The following KCNN2 variants were observed in gnomAD, a reference collection of about 807,000 sequenced individuals.
KCNN2 encodes small conductance calcium-activated potassium channel protein 2.
In KCNN2, 24 loss-of-function variants were observed where a neutral mutation model predicts 55.5. That is an observed-to-expected ratio of 0.43 (90% CI 0.31 to 0.61). The LOEUF (loss-of-function observed/expected upper bound fraction) is 0.61, where lower values mean the gene tolerates loss of function less well. Ranked by LOEUF, KCNN2 falls within the 20% of genes least tolerant of loss-of-function variation. KCNN2 has a pLI of 0.08. For synonymous variants in KCNN2, 431 were observed against 336.1 expected, an observed-to-expected ratio of 1.28 and a Z score of -3.09; for missense variants, 754 against 853.6, an observed-to-expected ratio of 0.88 and a Z score of 1.45.
chr5:114,289,982 A>G (rs1755848085), intron 2 of KCNN2, among the ~76,000 whole-genome samples: 1 of 152,184 alleles, frequency 6.6e-6, no homozygotes, highest in South Asian at 2.1e-4. Context: ...GCTGGCATAA[A>G]AAACACAACT....
chr5:114,378,529 A>G (rs529887686), intron 2 of KCNN2, among the ~76,000 whole-genome samples: 3 of 152,308 alleles, frequency 2.0e-5, no homozygotes, highest in African/African-American at 7.2e-5. Context: ...GCTTTCTGCT[A>G]TGGCCCCTAT....
intron 2 of KCNN2, among the ~76,000 whole-genome samples, chr5:114,229,410 A>C (rs1689418897): frequency 6.6e-6 from 1 of 151,816 alleles, no homozygotes; most frequent in Non-Finnish European, 1.5e-5. Flanking sequence ...TTATTCCTAA[A>C]AGACTCTTAC....
intron 1 of KCNN2, among the ~76,000 whole-genome samples, chr5:114,124,223 T>G (rs770785703): frequency 9.2e-5 from 14 of 152,146 alleles, no homozygotes; most frequent in Non-Finnish European, 1.9e-4. Flanking sequence ...TTTTGGACAT[T>G]CAAATAAAAG....
intron 2 of KCNN2, among the ~76,000 whole-genome samples, chr5:114,289,128 C>T (rs1273350656): frequency 3.3e-5 from 5 of 152,164 alleles, no homozygotes; most frequent in South Asian, 4.2e-4. Flanking sequence ...ATGGTCTTAG[C>T]GCCCTTGTTG....
At chr5:114,366,422 A>G (rs199916986) in intron 2 of KCNN2, among the ~76,000 whole-genome samples, 1 of 152,204 alleles carries the variant, frequency 6.6e-6, no homozygotes, top group East Asian at 1.9e-4. Context: ...ATTTGGATGT[A>G]GCTTTTTTAC....
At chr5:114,141,671 G>T (rs1427455336) in intron 1 of KCNN2, among the ~76,000 whole-genome samples, 1 of 152,124 alleles carries the variant, frequency 6.6e-6, no homozygotes, top group Non-Finnish European at 1.5e-5. Context: ...TGGGTCAAAT[G>T]GTATTTGAGT....
At chr5:114,338,234 GA>G (rs1756954581) in intron 2 of KCNN2, among the ~76,000 whole-genome samples, 1 of 152,118 alleles carries the variant, frequency 6.6e-6, no homozygotes, top group South Asian at 2.1e-4. Context: ...TCTTAATACT[GA>G]AAACTGTTTG....
intron 1 of KCNN2, among the ~76,000 whole-genome samples, chr5:114,067,562 T>A (rs1271016954): frequency 6.6e-6 from 1 of 152,226 alleles, no homozygotes; most frequent in Non-Finnish European, 1.5e-5. Flanking sequence ...GTATTTTTAT[T>A]CCTTTTAAGA....
intron 1 of KCNN2, among the ~76,000 whole-genome samples, chr5:114,095,791 C>T (rs535808833): frequency 6.6e-6 from 1 of 152,068 alleles, no homozygotes; most frequent in Non-Finnish European, 1.5e-5. Context: ...AGACATATCT[C>T]CTTGTGTCCC....
intron 1 of KCNN2, among the ~76,000 whole-genome samples, chr5:114,193,486 A>G (rs978465762): frequency 6.6e-6 from 1 of 152,176 alleles, no homozygotes; most frequent in African/African-American, 2.4e-5. Flanking sequence ...ATAGTGTTCC[A>G]ACATAACAAG....
intron 1 of KCNN2, among the ~76,000 whole-genome samples, chr5:114,175,368 G>A (rs1486110666): frequency 6.6e-6 from 1 of 152,140 alleles, no homozygotes; most frequent in African/African-American, 2.4e-5. Context: ...CTAGGCATAG[G>A]TAAATTTGAT....
intron 2 of KCNN2, among the ~76,000 whole-genome samples, chr5:114,291,374 G>A (rs1755883804): frequency 6.6e-6 from 1 of 151,952 alleles, no homozygotes; most frequent in Non-Finnish European, 1.5e-5. Flanking sequence ...GGAGTGCGAT[G>A]TTCCCCTTCC....
chr5:114,290,749 C>T (rs978704123), intron 2 of KCNN2, among the ~76,000 whole-genome samples: 22 of 152,084 alleles, frequency 1.4e-4, no homozygotes, highest in African/African-American at 4.8e-4. Context: ...CTGAACACCG[C>T]TTTTACTGTA....
intron 1 of KCNN2, among the ~76,000 whole-genome samples, chr5:114,162,826 G>A (rs963347588): frequency 3.9e-5 from 6 of 152,248 alleles, no homozygotes; most frequent in African/African-American, 9.6e-5. Context: ...ATCTCCTGGT[G>A]TGCCGTTTGT....
At chr5:114,494,120 T>C (rs1224797454) in intron 7 of KCNN2, among the ~76,000 whole-genome samples, 1 of 152,018 alleles carries the variant, frequency 6.6e-6, no homozygotes, top group Non-Finnish European at 1.5e-5. Context: ...TCTTAAAACA[T>C]AAATATTTGT....
In KCNN2 at chr5:114,404,830, C is replaced by T. The variant is rs147034356; in HGVS notation, c.1611C>T (p.Ala537=). The T allele has an allele frequency of 8.9e-5, 143 of 1,612,712 alleles. No individual in the cohort carries two copies. The African/African-American group carries it at 1.6e-3, about 18-fold the overall frequency. The change falls in exon 3 of 8, where the codon GCC becomes GCT. Residue 537 remains alanine, a synonymous_variant. Transcript: ENST00000673685. ...TTAGTATCTCATTATGGATAATTGC[C>T]GCATGGACTGTCCGAGCTTGTGAAA... ...LVFSISLWII[A]AWTVRACERY...
chr5:114,455,077 A>G (rs1022855525), intron 3 of KCNN2, among the ~76,000 whole-genome samples: 1 of 151,394 alleles, frequency 6.6e-6, no homozygotes, highest in African/African-American at 2.4e-5. Flanking sequence ...ATTCTTTTTC[A>G]ATGTGTTACT....
intron 2 of KCNN2, among the ~76,000 whole-genome samples, chr5:114,314,815 T>G (rs1244249365): frequency 6.6e-6 from 1 of 152,150 alleles, no homozygotes; most frequent in Non-Finnish European, 1.5e-5. Flanking sequence ...AGCATAAGAT[T>G]CAAACTAATT....
intron 2 of KCNN2, among the ~76,000 whole-genome samples, chr5:114,390,843 A>C (rs985307353): frequency 2.6e-5 from 4 of 152,178 alleles, no homozygotes; most frequent in African/African-American, 9.6e-5. Context: ...TGTGAATGTG[A>C]ACATAATTGC....
Sources: gnomAD v4.1 joint callset for allele counts (sites outside exome capture counted in the v4.1 genomes callset) on GRCh38, gnomAD v4.1.1 for gene constraint, MANE v1.5 for transcripts, NCBI Gene and HGNC (gene_info 2026-07-23, HGNC 2026-07-21) for gene names.